Variants in HIRA observed in about 807,000 individuals in gnomAD.
HIRA encodes the protein histone cell cycle regulator, also known as protein HIRA.
A neutral mutation model predicts 126.6 loss-of-function variants in HIRA; 13 were observed. The ratio of observed to expected loss-of-function variants is 0.10; its 90% CI spans 0.07 to 0.16. The LOEUF (loss-of-function observed/expected upper bound fraction) is 0.16. Ranked by LOEUF, HIRA falls within the 10% of genes least tolerant of loss-of-function variation. The probability of loss-of-function intolerance (pLI) is 1.00; values close to 1 mark genes in which losing one functional copy is unlikely to be tolerated. For synonymous variants in HIRA, 511 were observed against 520.0 expected, an observed-to-expected ratio of 0.98 and a Z score of 0.24; for missense variants, 834 against 1,314.4, an observed-to-expected ratio of 0.63 and a Z score of 5.65.
In HIRA at chr22:19,356,990, G is replaced by A. The variant is rs372432375; in HGVS notation, c.2296C>T (p.Arg766Cys). 4.0e-5 allele frequency: 65 copies of A among 1,613,908 alleles called. No homozygotes were observed. The highest frequency in any genetic ancestry group is 1.6e-4 in the Middle Eastern group (1 of 6,084). ...MLSVFSTCGRRLLSPILLPSP... is the reference protein window; with the variant it reads ...MLSVFSTCGRCLLSPILLPSP... ...GGCAGGAGGATGGGAGAGAGGAGACGGCGACCACAGGTGGAGAACACTGAC... is the reference window on the plus strand; with the variant it reads ...GGCAGGAGGATGGGAGAGAGGAGACAGCGACCACAGGTGGAGAACACTGAC... Residue 766 changes from arginine to cysteine, a missense_variant, in exon 19 of 25, where the codon CGT (arginine) becomes TGT (cysteine). This residue lies in a region of HIRA where 468 missense variants were observed against 574.2 expected (regional missense o/e 0.82). Coordinates refer to ENST00000263208, the MANE Select transcript of HIRA (RefSeq NM_003325.4).
rs57853722 is a variant in HIRA at position 19,429,133 on chromosome 22, CTTT to C, written c.37+2304_37+2306del. Among the ~76,000 whole-genome samples the C allele has an allele frequency of 1.0e-3, 78 of 77,270 alleles. 1 individual carries two copies. Among genetic ancestry groups the C allele is most frequent in the African/African-American group, 3.2e-3 (60 of 18,684 alleles). The allele number at this position is 77,270 out of a possible 152,430, so 50.7% of individuals were successfully genotyped here. A position where few individuals can be genotyped will look rare whatever the true frequency, so the allele number is the denominator to read the frequency against. On this transcript the variant is annotated intron_variant, in intron 1 of 24. Coordinates refer to ENST00000263208, the MANE Select transcript of HIRA (RefSeq NM_003325.4). The stretch of plus-strand genomic sequence containing the variant: ...TCCCATCCTGCCAGAGTTGCCATAT[CTTT>C]TTTTTTTTTTTTTTTTTTTTTTGAG...
At chr22:19,359,533 G>C (rs2146195968) in intron 17 of HIRA, 49 bp from the exon 18 acceptor site, 2 of 1,495,972 alleles carry the variant, frequency 1.3e-6, no homozygotes, top group South Asian at 2.6e-5. Flanking sequence ...CCGCAGCCCA[G>C]GTGACATGCT....
chr22:19,364,936 C>T (rs2088898647), intron 15 of HIRA, among the ~76,000 whole-genome samples: 1 of 152,206 alleles, frequency 6.6e-6, no homozygotes, highest in African/African-American at 2.4e-5. Context: ...AAAAGTGCTA[C>T]TCCAGTGAAC....
chr22:19,385,662 A>G lies in HIRA; in HGVS notation c.1188T>C (p.Ile396=). Residue 396 remains isoleucine, a synonymous_variant, in exon 12 of 25, where the codon ATT becomes ATC. Coordinates refer to ENST00000263208, the MANE Select transcript of HIRA (RefSeq NM_003325.4). ...GGTACTTGAGCATCTCAGGGTTCTC[A>G]ATGACGGCTGTGGAGAGCTGGGCCT... ...MTEAQLSTAV[I]ENPEMLKYQR... 2.5e-6 allele frequency: 4 copies of G among 1,614,172 alleles called. No individual in the cohort carries two copies. Among genetic ancestry groups the G allele is most frequent in the Non-Finnish European group, 3.4e-6 (4 of 1,180,038 alleles).
intron 12 of HIRA, 105 bp from the exon 13 acceptor site, chr22:19,383,810 A>G (rs1006370454): frequency 4.9e-6 from 4 of 815,056 alleles, no homozygotes; most frequent in East Asian, 2.6e-5. Context: ...AACACTAAGC[A>G]TAAGATCCAC....
At chr22:19,393,555 A>G (rs2146227151) in intron 8 of HIRA, among the ~76,000 whole-genome samples, 1 of 152,156 alleles carries the variant, frequency 6.6e-6, no homozygotes, top group Non-Finnish European at 1.5e-5. Flanking sequence ...ACGGGGTTTC[A>G]TCATGTTGGT....
chr22:19,390,625 A>AAAAAAAAAAAAAAG (rs1569304503), intron 9 of HIRA, among the ~76,000 whole-genome samples: 1 of 148,558 alleles, frequency 6.7e-6, no homozygotes, highest in Non-Finnish European at 1.5e-5. Flanking sequence ...AAAAAAAAAA[A>AAAAAAAAAAAAAAG]AAGAAGCTGA....
At chr22:19,405,938 A>AG in intron 4 of HIRA, 58 bp from the exon 5 acceptor site, 1 of 1,148,272 alleles carries the variant, frequency 8.7e-7, no homozygotes, top group Admixed American at 3.0e-5. Flanking sequence ...CTGCATAGAA[A>AG]TGCTCCCTGC....
intron 21 of HIRA, 133 bp from the exon 22 acceptor site, chr22:19,354,251 G>A (rs1349755632): frequency 1.9e-5 from 16 of 844,350 alleles, no homozygotes; most frequent in African/African-American, 5.2e-5. Flanking sequence ...AGTAGAGGCT[G>A]AGCGCCCCTG....
chr22:19,428,320 G>C (rs1403951645), intron 1 of HIRA, among the ~76,000 whole-genome samples: 1 of 152,156 alleles, frequency 6.6e-6, no homozygotes, highest in African/African-American at 2.4e-5. Context: ...GATACAACTA[G>C]AAGTTGTATC....
At chr22:19,374,708 T>C (rs770348725) in intron 15 of HIRA, among the ~76,000 whole-genome samples, 1 of 152,178 alleles carries the variant, frequency 6.6e-6, no homozygotes, top group Non-Finnish European at 1.5e-5. Flanking sequence ...ACAGGTCACA[T>C]ACAAATGCTC....
At chr22:19,336,071 G>A (rs1341143018) in intron 24 of HIRA, among the ~76,000 whole-genome samples, 2 of 152,144 alleles carry the variant, frequency 1.3e-5, no homozygotes, top group Non-Finnish European at 2.9e-5. Context: ...ATTCTCAAAA[G>A]AGACAATCTT....
At chr22:19,389,444 C>T (rs1199163280) in intron 9 of HIRA, among the ~76,000 whole-genome samples, 1 of 152,148 alleles carries the variant, frequency 6.6e-6, no homozygotes, top group Non-Finnish European at 1.5e-5. Flanking sequence ...GGTGGGCTCC[C>T]ATAGGTGCTG....
intron 15 of HIRA, among the ~76,000 whole-genome samples, chr22:19,367,724 C>T (rs181714055): frequency 1.3e-5 from 2 of 152,220 alleles, no homozygotes; most frequent in East Asian, 3.9e-4. Flanking sequence ...TAGTACAATG[C>T]CTAAAAATAA....
chr22:19,411,659 G>A (rs767092856), intron 1 of HIRA, among the ~76,000 whole-genome samples: 8 of 152,244 alleles, frequency 5.3e-5, no homozygotes, highest in Admixed American at 4.6e-4. Flanking sequence ...ATTGACAAAG[G>A]AGATACATGA....
chr22:19,352,536 G>A (rs1044121201), intron 23 of HIRA, among the ~76,000 whole-genome samples: 18 of 152,078 alleles, frequency 1.2e-4, no homozygotes, highest in Admixed American at 9.8e-4. Flanking sequence ...AATATTTGCT[G>A]TCGTTTACAA....
chr22:19,369,060 G>A (rs2088940491), intron 15 of HIRA, among the ~76,000 whole-genome samples: 1 of 152,214 alleles, frequency 6.6e-6, no homozygotes, highest in Admixed American at 6.5e-5. Context: ...GTTGCCCAAT[G>A]GGTCTAGACA....
chr22:19,390,710 C>T (rs1247097487), intron 9 of HIRA, among the ~76,000 whole-genome samples: 2 of 151,492 alleles, frequency 1.3e-5, no homozygotes, highest in African/African-American at 2.4e-5. Flanking sequence ...ACAGCATCAC[C>T]CAGGGGTGAA....
intron 17 of HIRA, among the ~76,000 whole-genome samples, chr22:19,360,677 A>G (rs2088855023): frequency 6.6e-6 from 1 of 152,202 alleles, no homozygotes; most frequent in African/African-American, 2.4e-5. Flanking sequence ...ATGGCAGGAG[A>G]GGCCTAGATA....
Sources: gnomAD v4.1 joint callset for allele counts (sites outside exome capture counted in the v4.1 genomes callset) on GRCh38, gnomAD v4.1.1 for gene constraint, gnomAD v4.1.1 regional missense constraint, MANE v1.5 for transcripts, NCBI Gene and HGNC (gene_info 2026-07-23, HGNC 2026-07-21) for gene names.